Variants in C11orf65 observed in about 807,000 individuals in gnomAD.
C11orf65 encodes protein MFI.
C11orf65 carries 38 observed loss-of-function variants against 35.3 expected under a neutral mutation model. The ratio of observed to expected loss-of-function variants is 1.08; its 90% CI spans 0.83 to 1.41. The LOEUF (loss-of-function observed/expected upper bound fraction) is 1.41, where lower values mean the gene tolerates loss of function less well. Among genes scored for constraint, C11orf65 ranks in the 40% most tolerant of loss-of-function variants. C11orf65 has a pLI of 0.00. For missense variants in C11orf65, 370 were observed against 367.1 expected (o/e 1.01, Z -0.06); for synonymous variants, 105 against 114.4 (o/e 0.92, Z 0.53).
chr11:108,349,453 A>T (rs554414867), intron 2 of C11orf65, among the ~76,000 whole-genome samples: 1 of 152,330 alleles, frequency 6.6e-6, no homozygotes, highest in South Asian at 2.1e-4. Flanking sequence ...TCACGAGGTC[A>T]GGAGATTGAG....
rs562933185 is a variant in C11orf65 at position 108,367,601 on chromosome 11, G to A, written c.226+25607C>T. The A allele has an allele frequency of 7.2e-5, 15 of 208,286 alleles. No individual in the cohort carries two copies. In the South Asian group the frequency reaches 2.4e-3, roughly 34 times the overall value. 12.9% of individuals were successfully genotyped at this position (208,286 alleles called of 1,614,324 possible). A position where few individuals can be genotyped will look rare whatever the true frequency, so the allele number is the denominator to read the frequency against. The stretch of plus-strand genomic sequence containing the variant: ...TGCGGAGATTAACAAATGGGTGATT[G>A]AGCTTTCTCCTCGTATTTGGACCTT... On this transcript the variant is annotated intron_variant, in intron 2 of 3. Transcript: ENST00000524755.
intron 2 of C11orf65, among the ~76,000 whole-genome samples, chr11:108,439,222 CA>C (rs2093113083): frequency 6.6e-6 from 1 of 151,810 alleles, no homozygotes; most frequent in Non-Finnish European, 1.5e-5. Context: ...TCAATAAGGA[CA>C]AAAAAGATGA....
intron 8 of C11orf65, among the ~76,000 whole-genome samples, chr11:108,384,971 A>G (rs2091955322): frequency 1.3e-5 from 2 of 152,198 alleles, no homozygotes; most frequent in Non-Finnish European, 2.9e-5. Context: ...GCATTTCAGT[A>G]CTGCTAACTA....
Position 108,365,137 on chromosome 11 carries a change from A to G in C11orf65, c.226+28071T>C, listed in dbSNP as rs376524155. On this transcript the variant is annotated intron_variant, in intron 2 of 3. Transcript: ENST00000524755. Reference sequence around the variant, plus strand: ...ACCATGAATCCTTTGAAAGCTTTGTATTTACAGCAGAGGCCGGAAGATGAA... The same window carrying G: ...ACCATGAATCCTTTGAAAGCTTTGTGTTTACAGCAGAGGCCGGAAGATGAA... The G allele has an allele frequency of 4.3e-6, 7 of 1,614,190 alleles. No homozygotes were observed. The highest frequency in any genetic ancestry group is 5.9e-6 in the Non-Finnish European group (7 of 1,180,034).
chr11:108,336,023 G>C (rs2086813596), intron 2 of C11orf65: 1 of 1,297,106 alleles, frequency 7.7e-7, no homozygotes, highest in African/African-American at 1.5e-5. Flanking sequence ...TTGGTTGGGT[G>C]AAGTGGCTCA....
At chr11:108,322,506 G>T (rs2085310507) in intron 6 of C11orf65, among the ~76,000 whole-genome samples, 1 of 152,132 alleles carries the variant, frequency 6.6e-6, no homozygotes, top group South Asian at 2.1e-4. Flanking sequence ...AACATTCAGT[G>T]GATAGTGGAT....
intron 2 of C11orf65, among the ~76,000 whole-genome samples, chr11:108,373,366 T>TA (rs1262346307): frequency 6.6e-6 from 1 of 151,598 alleles, no homozygotes; most frequent in African/African-American, 2.4e-5. Flanking sequence ...GTGAAAAACT[T>TA]ACAGCTCACG....
At chr11:108,359,733 G>A (rs572446312) in intron 2 of C11orf65, among the ~76,000 whole-genome samples, 54 of 152,162 alleles carry the variant, frequency 3.5e-4, no homozygotes, top group African/African-American at 1.1e-3. Context: ...AAATAAAGAT[G>A]TTCTTTGAAA....
chr11:108,434,629 C>A (rs544450656), intron 2 of C11orf65, among the ~76,000 whole-genome samples: 1 of 151,948 alleles, frequency 6.6e-6, no homozygotes, highest in Non-Finnish European at 1.5e-5. Context: ...AACACTGAGC[C>A]CCTGGTATGG....
intron 1 of C11orf65, among the ~76,000 whole-genome samples, chr11:108,464,474 G>A (rs1380996260): frequency 6.6e-6 from 1 of 152,056 alleles, no homozygotes; most frequent in African/African-American, 2.4e-5. Flanking sequence ...TGATTCTCCT[G>A]CCTCAGCCTC....
At chr11:108,431,865 G>T (rs768356647) in intron 2 of C11orf65, 27 bp from the exon 3 acceptor site, 1 of 1,339,152 alleles carries the variant, frequency 7.5e-7, no homozygotes, top group African/African-American at 1.5e-5. Flanking sequence ...AAGATTTCAT[G>T]ATCAAAACTG....
intron 2 of C11orf65, among the ~76,000 whole-genome samples, chr11:108,444,837 G>T (rs992216190): frequency 6.6e-6 from 1 of 152,164 alleles, no homozygotes; most frequent in Non-Finnish European, 1.5e-5. Context: ...AAGGGGTCAG[G>T]GAGTTCCCTT....
chr11:108,320,049 A>C lies in C11orf65; in HGVS notation c.641-10978T>G, dbSNP rs730881382. On this transcript the variant is annotated intron_variant, in intron 6 of 6. Transcript: ENST00000525729. ...TTCTCTACATTTTATGAAAGTCTCA[A>C]ATATGCCAGGTATTATGAAAAGACA... is the stretch of plus-strand genomic sequence containing the variant. 1.3e-6 allele frequency: 2 copies of C among 1,589,646 alleles called. No individual in the cohort carries two copies. The highest frequency in any genetic ancestry group is 1.7e-5 in the Admixed American group (1 of 59,958).
intron 3 of C11orf65, among the ~76,000 whole-genome samples, chr11:108,422,962 A>T (rs977453659): frequency 6.6e-6 from 1 of 152,162 alleles, no homozygotes; most frequent in Non-Finnish European, 1.5e-5. Context: ...TAAGTATAAA[A>T]TGCAAATCAA....
chr11:108,330,048 A>G (rs1454353219), downstream of C11orf65, among the ~76,000 whole-genome samples: 1 of 152,252 alleles, frequency 6.6e-6, no homozygotes, highest in Non-Finnish European at 1.5e-5. Context: ...TGAATTGCAC[A>G]GTTAAGACAA....
intron 3 of C11orf65, among the ~76,000 whole-genome samples, 166 bp from the exon 4 acceptor site, chr11:108,407,315 T>A (rs1414399738): frequency 6.6e-6 from 1 of 152,058 alleles, no homozygotes; most frequent in Non-Finnish European, 1.5e-5. Flanking sequence ...GAAAAATTGT[T>A]AAAAAAATTT....
At chr11:108,361,895 C>G (rs1277439811) in intron 2 of C11orf65, among the ~76,000 whole-genome samples, 1 of 149,930 alleles carries the variant, frequency 6.7e-6, no homozygotes, top group Non-Finnish European at 1.5e-5. Context: ...TGGGCAAGGA[C>G]TTCATGTCCA....
At chr11:108,332,700 ACT>A (rs1425402632) in intron 3 of C11orf65, 1 of 1,549,064 alleles carries the variant, frequency 6.5e-7, no homozygotes, top group African/African-American at 1.4e-5. Flanking sequence ...TGTTTTTCTA[ACT>A]CTGAGAAGTT....
At chr11:108,358,947 A>G (rs2090373450) in intron 2 of C11orf65, among the ~76,000 whole-genome samples, 1 of 152,168 alleles carries the variant, frequency 6.6e-6, no homozygotes, top group African/African-American at 2.4e-5. Context: ...ACATAACAAA[A>G]TTAACTTTAA....
Sources: allele counts gnomAD v4.1 joint callset (sites outside exome capture counted in the v4.1 genomes callset), GRCh38; gene constraint gnomAD v4.1.1; transcripts MANE v1.5; gene names NCBI Gene and HGNC (gene_info 2026-07-23, HGNC 2026-07-21).